Variants in PHF21B observed in about 807,000 individuals in gnomAD.
PHF21B encodes the protein PHD finger protein 21B.
In PHF21B, 22 loss-of-function variants were observed where a neutral mutation model predicts 62.2. That is an observed-to-expected ratio of 0.35 (90% CI 0.25 to 0.51). PHF21B has a LOEUF of 0.51. Ranked by LOEUF, PHF21B falls within the 20% of genes least tolerant of loss-of-function variation. The pLI, the probability that PHF21B is intolerant of heterozygous loss-of-function variation, is 0.97. For missense variants in PHF21B, 701 were observed against 707.9 expected (o/e 0.99, Z 0.11); for synonymous variants, 341 against 314.7 (o/e 1.08, Z -0.88).
At position 44,916,351 on chromosome 22, in the gene PHF21B, G is replaced by C. The variant is rs779806576; in HGVS notation, c.493C>G (p.Pro165Ala). The C allele has an allele frequency of 6.3e-7, 1 of 1,597,046 alleles. No homozygotes were observed. The highest frequency in any genetic ancestry group is 8.5e-7 in the Non-Finnish European group (1 of 1,176,588). Reference protein sequence around the residue: ...TSPSNAAAMAPSTAVSVVSDS... With the variant: ...TSPSNAAAMAASTAVSVVSDS... ...CTGACCACAGACACGGCGGTGCTGG[G>C]GGCCATGGCGGCGGCATTGCTGGGG... Residue 165 changes from proline (P) to alanine (A), a missense_variant, in exon 4 of 13, where the codon CCC (proline) becomes GCC (alanine). Transcript: ENST00000313237.
At chr22:44,960,474 G>A (rs1376736883) in intron 2 of PHF21B, among the ~76,000 whole-genome samples, 4 of 152,192 alleles carry the variant, frequency 2.6e-5, no homozygotes, top group Non-Finnish European at 4.4e-5. Flanking sequence ...GGAAGTCACT[G>A]CTGTCTGCAC....
chr22:44,907,294 A>G (rs2071267998), intron 5 of PHF21B, among the ~76,000 whole-genome samples: 1 of 152,240 alleles, frequency 6.6e-6, no homozygotes, highest in Non-Finnish European at 1.5e-5. Flanking sequence ...GATGGCAGAA[A>G]GGCTGGGGAT....
chr22:44,920,884 T>C lies in PHF21B; in HGVS notation c.121-394A>G, dbSNP rs142597493. On this transcript the variant is annotated intron_variant, in intron 2 of 12. Coordinates refer to ENST00000313237, the MANE Select transcript of PHF21B (RefSeq NM_138415.5). ...GGGATCTTCCATTCAGCAGACATAA[T>C]GGTATTTCCTCAGACAATCCTCTAC... Among the ~76,000 whole-genome samples, 630 of 152,350 alleles carry C rather than the reference T, an allele frequency of 4.1e-3. 3 individuals are homozygous for C. Among genetic ancestry groups the C allele is most frequent in the African/African-American group, 0.014 (602 of 41,586 alleles).
intron 2 of PHF21B, among the ~76,000 whole-genome samples, chr22:44,960,878 C>T (rs1367483574): frequency 1.3e-5 from 2 of 151,754 alleles, no homozygotes; most frequent in African/African-American, 4.8e-5. Context: ...CTTACAGCAT[C>T]GACTCTTCAG....
chr22:44,935,951 G>A (rs1347033080), intron 2 of PHF21B, among the ~76,000 whole-genome samples: 1 of 152,204 alleles, frequency 6.6e-6, no homozygotes, highest in Non-Finnish European at 1.5e-5. Flanking sequence ...GCCACGCCGT[G>A]CTGCCCAGGA....
intron 3 of PHF21B, among the ~76,000 whole-genome samples, chr22:44,919,434 A>G (rs9626260): frequency 0.02 from 3,054 of 152,310 alleles, 110 homozygotes; most frequent in African/African-American, 0.07. Flanking sequence ...GGCCTAAGAC[A>G]ATTCTTCTTC....
intron 2 of PHF21B, among the ~76,000 whole-genome samples, chr22:44,972,955 A>G (rs980631966): frequency 6.6e-6 from 1 of 151,932 alleles, no homozygotes; most frequent in Non-Finnish European, 1.5e-5. Context: ...GAGGAGGCAC[A>G]CCCTCCCCGC....
intron 5 of PHF21B, among the ~76,000 whole-genome samples, chr22:44,906,796 AG>A (rs1294555589): frequency 1.3e-5 from 2 of 152,180 alleles, no homozygotes; most frequent in Admixed American, 1.3e-4. Context: ...CCGTGACGAC[AG>A]GGGGAGAAGG....
At chr22:45,002,554 C>G (rs1451335062) in intron 2 of PHF21B, among the ~76,000 whole-genome samples, 1 of 152,222 alleles carries the variant, frequency 6.6e-6, no homozygotes, top group Non-Finnish European at 1.5e-5. Flanking sequence ...GCGCTCCCCA[C>G]AACGATGGGG....
At chr22:44,936,172 G>C (rs1225766348) in intron 2 of PHF21B, among the ~76,000 whole-genome samples, 1 of 152,224 alleles carries the variant, frequency 6.6e-6, no homozygotes, top group African/African-American at 2.4e-5. Context: ...TGGGATGAAT[G>C]GGCCAAGCCC....
intron 2 of PHF21B, among the ~76,000 whole-genome samples, chr22:44,955,044 T>G (rs1200480347): frequency 6.6e-6 from 1 of 152,090 alleles, no homozygotes; most frequent in Admixed American, 6.5e-5. Context: ...GCAACCACAC[T>G]AGGGATCACT....
chr22:44,987,801 C>A (rs1315581773), intron 2 of PHF21B, among the ~76,000 whole-genome samples: 1 of 152,026 alleles, frequency 6.6e-6, no homozygotes, highest in Non-Finnish European at 1.5e-5. Flanking sequence ...CTCCCCCTCC[C>A]CCTTCCTTCT....
intron 2 of PHF21B, among the ~76,000 whole-genome samples, chr22:44,948,706 A>G (rs528112816): frequency 0.016 from 2,393 of 151,696 alleles, 65 homozygotes; most frequent in African/African-American, 0.055. Context: ...AAAAAAAAAA[A>G]AGAGAGACAG....
chr22:44,995,712 C>T (rs113518218), intron 2 of PHF21B, among the ~76,000 whole-genome samples: 7,221 of 152,160 alleles, frequency 0.047, 189 homozygotes, highest in Middle Eastern at 0.082. Flanking sequence ...GCATTTAGCA[C>T]TCGGTATGTC....
chr22:44,991,565 G>A (rs1057335592), intron 2 of PHF21B, among the ~76,000 whole-genome samples: 1 of 152,196 alleles, frequency 6.6e-6, no homozygotes, highest in Non-Finnish European at 1.5e-5. Context: ...CGTCCCCCTA[G>A]ATGGTGAGTG....
At chr22:44,921,768 C>G (rs1445506029) in intron 2 of PHF21B, among the ~76,000 whole-genome samples, 2 of 151,996 alleles carry the variant, frequency 1.3e-5, no homozygotes, top group Admixed American at 1.3e-4. Flanking sequence ...AAGTGATTCT[C>G]CCGCCTCAGC....
chr22:44,932,855 T>C (rs1265485264), intron 2 of PHF21B, among the ~76,000 whole-genome samples: 1 of 152,230 alleles, frequency 6.6e-6, no homozygotes, highest in African/African-American at 2.4e-5. Context: ...GGGCCCATTT[T>C]ACTTCCAGTG....
At chr22:44,916,686 G>T in intron 3 of PHF21B, 56 bp from the exon 4 acceptor site, 1 of 1,512,888 alleles carries the variant, frequency 6.6e-7, no homozygotes. Context: ...GAGTGCAGGG[G>T]AGGGGCCGCC....
At chr22:44,894,399 G>C (rs1479310812) in intron 6 of PHF21B, among the ~76,000 whole-genome samples, 2 of 152,154 alleles carry the variant, frequency 1.3e-5, no homozygotes, top group African/African-American at 4.8e-5. Flanking sequence ...AGAAAACTGA[G>C]GTTCGGAGTG....
Sources: allele counts gnomAD v4.1 joint callset (sites outside exome capture counted in the v4.1 genomes callset), GRCh38; gene constraint gnomAD v4.1.1; transcripts MANE v1.5; gene names NCBI Gene and HGNC (gene_info 2026-07-23, HGNC 2026-07-21).